SPAG9: variants seen among roughly 807,000 people sequenced by gnomAD.
SPAG9 encodes sperm associated antigen 9.
In SPAG9, 35 loss-of-function variants were observed where a neutral mutation model predicts 166.5. The observed-to-expected ratio is 0.21, with a 90% CI of 0.16 to 0.28. The LOEUF (loss-of-function observed/expected upper bound fraction) is 0.28. Among genes scored for constraint, SPAG9 ranks in the 10% least tolerant of loss-of-function variants. The probability of loss-of-function intolerance (pLI) is 1.00; values close to 1 mark genes in which losing one functional copy is unlikely to be tolerated. For synonymous variants in SPAG9, 534 were observed against 565.5 expected (o/e 0.94, Z 0.79); for missense variants, 1,235 against 1,603.3 (o/e 0.77, Z 3.92).
At chr17:50,978,920 G>T (rs1249689715) in intron 26 of SPAG9, among the ~76,000 whole-genome samples, 1 of 152,182 alleles carries the variant, frequency 6.6e-6, no homozygotes, top group Non-Finnish European at 1.5e-5. Context: ...TGGCAACAGG[G>T]AGCCCAGTTA....
chr17:51,060,847 G>T (rs78730215), intron 2 of SPAG9, among the ~76,000 whole-genome samples: 3,220 of 135,728 alleles, frequency 0.024, 119 homozygotes, highest in African/African-American at 0.08. Context: ...GGTTTTTTTT[G>T]TTTTTTTTTT....
chr17:51,030,207 A>G (rs947243173), intron 6 of SPAG9, among the ~76,000 whole-genome samples: 4 of 152,190 alleles, frequency 2.6e-5, no homozygotes, highest in African/African-American at 9.7e-5. Flanking sequence ...CAGCATAACT[A>G]TTTTCTAACA....
intron 1 of SPAG9, among the ~76,000 whole-genome samples, chr17:51,089,620 T>TTATA (rs746370783): frequency 0.015 from 597 of 40,220 alleles, 1 homozygote; most frequent in East Asian, 0.026. Flanking sequence ...ACACTTTATT[T>TTATA]TATATATATA....
intron 6 of SPAG9, 109 bp from the exon 7 acceptor site, chr17:51,021,474 C>A: frequency 1.1e-6 from 1 of 939,660 alleles, no homozygotes; most frequent in Non-Finnish European, 1.5e-6. Context: ...TTTTTTTTTC[C>A]AAAATAAAGG....
chr17:51,037,812 T>C lies in SPAG9; in HGVS notation c.741+3689A>G, dbSNP rs377402235. Among the ~76,000 whole-genome samples the C allele has an allele frequency of 8.6e-5, 13 of 150,910 alleles. No homozygotes were observed. The South Asian group carries it at 2.5e-3, about 29-fold the overall frequency. On this transcript the variant is annotated intron_variant, in intron 5 of 29. Transcript: ENST00000262013. ...AACTCCTGGACTCAAGTGATCCTCCTGCCTTGGCCTCCCAAAGTACTCAGA... is the reference window on the plus strand; with the variant it reads ...AACTCCTGGACTCAAGTGATCCTCCCGCCTTGGCCTCCCAAAGTACTCAGA...
intron 20 of SPAG9, 129 bp downstream of exon 20, chr17:50,990,321 C>A (rs895126738): frequency 5.2e-6 from 4 of 768,806 alleles, no homozygotes; most frequent in Admixed American, 2.2e-5. Context: ...AGCCACCACG[C>A]CCGGCCTACA....
chr17:51,116,301 C>G (rs907032767), intron 1 of SPAG9, among the ~76,000 whole-genome samples: 6 of 152,168 alleles, frequency 3.9e-5, no homozygotes, highest in Admixed American at 6.5e-5. Flanking sequence ...CTGCCTCGGC[C>G]TCCCAAAGTG....
intron 18 of SPAG9, among the ~76,000 whole-genome samples, 184 bp from the exon 19 acceptor site, chr17:50,994,119 T>C (rs1228660546): frequency 6.6e-6 from 1 of 152,126 alleles, no homozygotes; most frequent in African/African-American, 2.4e-5. Context: ...TTGAATTGTA[T>C]CTCCCCGAAT....
intron 21 of SPAG9, among the ~76,000 whole-genome samples, chr17:50,989,176 A>G (rs1280351297): frequency 1.3e-5 from 2 of 152,236 alleles, no homozygotes; most frequent in East Asian, 3.8e-4. Flanking sequence ...ACAAGATTAT[A>G]CTACTATATT....
intron 21 of SPAG9, 101 bp downstream of exon 21, chr17:50,989,576 G>A: frequency 1.1e-6 from 1 of 894,022 alleles, no homozygotes; most frequent in Non-Finnish European, 1.8e-6. Flanking sequence ...CCACCACAGT[G>A]ACACTAATTA....
Position 50,993,747 on chromosome 17 carries a change from G to A in SPAG9, c.2398+17C>T, listed in dbSNP as rs994674214. 14 of 1,611,658 alleles carry A rather than the reference G, an allele frequency of 8.7e-6. No individual in the cohort carries two copies. The highest frequency in any genetic ancestry group is 1.1e-5 in the Non-Finnish European group (13 of 1,178,228). On this transcript the variant is annotated intron_variant, in intron 19 of 29. Transcript: ENST00000262013. ...TGGATGGAGGGGAGGGCAGAGAAAC[G>A]CATGACTCACTCTTACCTGGCACAC...
intron 2 of SPAG9, among the ~76,000 whole-genome samples, chr17:51,079,326 C>T (rs994515386): frequency 6.6e-6 from 1 of 152,002 alleles, no homozygotes; most frequent in Non-Finnish European, 1.5e-5. Flanking sequence ...GCAGCCTCTG[C>T]CTCCCGGATT....
At chr17:51,118,638 T>C (rs1295430601) in intron 1 of SPAG9, among the ~76,000 whole-genome samples, 1 of 152,234 alleles carries the variant, frequency 6.6e-6, no homozygotes, top group Non-Finnish European at 1.5e-5. Context: ...CAAGTAGCAC[T>C]TGACCTCTGT....
intron 3 of SPAG9, among the ~76,000 whole-genome samples, chr17:51,051,788 T>G (rs751411079): frequency 6.6e-6 from 1 of 152,154 alleles, no homozygotes; most frequent in Non-Finnish European, 1.5e-5. Flanking sequence ...GCCTAGAATT[T>G]GGGGCAAATC....
At chr17:51,042,287 A>G (rs1380687934) in intron 4 of SPAG9, among the ~76,000 whole-genome samples, 1 of 152,178 alleles carries the variant, frequency 6.6e-6, no homozygotes, top group Non-Finnish European at 1.5e-5. Context: ...TCCAAATAAG[A>G]AGGTCAAATA....
chr17:50,980,350 G>A (rs142121599), intron 25 of SPAG9, among the ~76,000 whole-genome samples: 223 of 151,956 alleles, frequency 1.5e-3, no homozygotes, highest in Middle Eastern at 6.8e-3. Flanking sequence ...GATTATAGGC[G>A]CACACCACCA....
chr17:51,001,881 G>A, intron 12 of SPAG9, 36 bp from the exon 13 acceptor site: 1 of 1,593,524 alleles, frequency 6.3e-7, no homozygotes, highest in Non-Finnish European at 8.6e-7. Context: ...CATTCTGGAA[G>A]CTTATAAATG....
intron 8 of SPAG9, 67 bp from the exon 9 acceptor site, chr17:51,014,420 A>G (rs1184078189): frequency 2.1e-6 from 3 of 1,459,580 alleles, no homozygotes; most frequent in Non-Finnish European, 2.8e-6. Flanking sequence ...TGTAAAATGA[A>G]TACAATAGGC....
intron 2 of SPAG9, among the ~76,000 whole-genome samples, chr17:51,059,043 T>C (rs141934573): frequency 3.3e-5 from 5 of 152,188 alleles, no homozygotes; most frequent in Admixed American, 6.5e-5. Flanking sequence ...ATTCATGTAC[T>C]GGAATACTGT....
Sources: gnomAD v4.1 joint callset for allele counts (sites outside exome capture counted in the v4.1 genomes callset) on GRCh38, gnomAD v4.1.1 for gene constraint, MANE v1.5 for transcripts, NCBI Gene and HGNC (gene_info 2026-07-23, HGNC 2026-07-21) for gene names.